Variants in TENM3 observed in about 807,000 individuals in gnomAD.
The protein encoded by TENM3 is teneurin transmembrane protein 3, also known as teneurin-3.
TENM3 carries 63 observed loss-of-function variants against 255.1 expected under a neutral mutation model. That is an observed-to-expected ratio of 0.25 (90% CI 0.20 to 0.30). The LOEUF (loss-of-function observed/expected upper bound fraction) is 0.30, where lower values mean the gene tolerates loss of function less well. Among genes scored for constraint, TENM3 ranks in the 10% least tolerant of loss-of-function variants. TENM3 has a pLI of 1.00. For synonymous variants in TENM3, 1,306 were observed against 1,322.3 expected (o/e 0.99, Z 0.27); for missense variants, 2,929 against 3,461.1 (o/e 0.85, Z 3.86).
chr4:181,715,920 G>C, the TENM3 span, among the ~76,000 whole-genome samples: 1 of 152,166 alleles, frequency 6.6e-6, no homozygotes, highest in East Asian at 1.9e-4. Context: ...GATGATGCCT[G>C]ACTCCACTGT....
chr4:182,426,826 T>A (rs954684117), intron 3 of TENM3, among the ~76,000 whole-genome samples: 1 of 152,182 alleles, frequency 6.6e-6, no homozygotes, highest in Admixed American at 6.5e-5. Flanking sequence ...AATTGTTGAA[T>A]TTATAGAATA....
intron 1 of TENM3, among the ~76,000 whole-genome samples, chr4:182,322,396 T>TG (rs1264963712): frequency 6.6e-6 from 1 of 152,160 alleles, no homozygotes; most frequent in African/African-American, 2.4e-5. Flanking sequence ...GGGTATAATT[T>TG]GGTTGAAGAC....
the TENM3 span, among the ~76,000 whole-genome samples, chr4:181,477,071 C>CATTCATTCATTA: frequency 1.5e-5 from 2 of 136,134 alleles, no homozygotes; most frequent in Non-Finnish European, 3.2e-5. Context: ...CCAATTCATT[C>CATTCATTCATTA]ATTCATTCAT....
At chr4:181,831,219 G>T in the TENM3 span, among the ~76,000 whole-genome samples, 4 of 151,932 alleles carry the variant, frequency 2.6e-5, no homozygotes, top group Non-Finnish European at 4.4e-5. Context: ...AAGATTTTAT[G>T]ATCAAATTTT....
chr4:182,035,819 A>C, the TENM3 span, among the ~76,000 whole-genome samples: 1 of 152,122 alleles, frequency 6.6e-6, no homozygotes, highest in Non-Finnish European at 1.5e-5. Context: ...AAAGGTTTCC[A>C]TTGTTCTCAG....
chr4:182,289,854 G>T (rs1169417363), intron 1 of TENM3, among the ~76,000 whole-genome samples: 1 of 152,106 alleles, frequency 6.6e-6, no homozygotes, highest in African/African-American at 2.4e-5. Flanking sequence ...TGACCAAGTT[G>T]CTTCAGTGTC....
intron 1 of TENM3, among the ~76,000 whole-genome samples, chr4:182,183,599 G>A (rs1182697645): frequency 6.6e-6 from 1 of 152,136 alleles, no homozygotes; most frequent in Non-Finnish European, 1.5e-5. Context: ...TCCAGCTGAA[G>A]TTTAACATAC....
chr4:181,687,973 G>A, the TENM3 span, among the ~76,000 whole-genome samples: 1 of 152,174 alleles, frequency 6.6e-6, no homozygotes, highest in Non-Finnish European at 1.5e-5. Flanking sequence ...AACATTTACT[G>A]AGTGTAAGTG....
the TENM3 span, among the ~76,000 whole-genome samples, chr4:181,881,893 C>T: frequency 6.6e-6 from 1 of 152,160 alleles, no homozygotes; most frequent in Non-Finnish European, 1.5e-5. Context: ...TTTTTAGTTT[C>T]AAACTTTTAA....
At chr4:182,381,514 G>T (rs1767564626) in intron 3 of TENM3, among the ~76,000 whole-genome samples, 1 of 151,930 alleles carries the variant, frequency 6.6e-6, no homozygotes, top group African/African-American at 2.4e-5. Flanking sequence ...TCCACAATGG[G>T]TTCTATAGCT....
chr4:182,001,670 C>T, the TENM3 span, among the ~76,000 whole-genome samples: 3 of 152,004 alleles, frequency 2.0e-5, no homozygotes, highest in Non-Finnish European at 4.4e-5. Context: ...ACTTGAGGAG[C>T]GACTTGTGCA....
At chr4:181,491,641 T>C in the TENM3 span, among the ~76,000 whole-genome samples, 1,364 of 152,216 alleles carry the variant, frequency 9.0e-3, 17 homozygotes, top group South Asian at 0.033. Flanking sequence ...GAAATAGTCA[T>C]GCCAATTAAT....
chr4:182,434,667 G>T, intron 3 of TENM3, among the ~76,000 whole-genome samples: 2 of 151,484 alleles, frequency 1.3e-5, no homozygotes, highest in Non-Finnish European at 1.5e-5. Context: ...ACCGTATATT[G>T]GTATACTTTA....
At chr4:181,803,511 G>C in the TENM3 span, among the ~76,000 whole-genome samples, 1 of 152,298 alleles carries the variant, frequency 6.6e-6, no homozygotes, top group African/African-American at 2.4e-5. Context: ...GAATTAAGGA[G>C]CTCAACATAC....
chr4:181,614,323 C>G, the TENM3 span, among the ~76,000 whole-genome samples: 1 of 152,118 alleles, frequency 6.6e-6, no homozygotes, highest in Non-Finnish European at 1.5e-5. Flanking sequence ...GTCTTCACAT[C>G]TCTCCCTTAA....
At chr4:182,378,035 G>C (rs1222238719) in intron 3 of TENM3, among the ~76,000 whole-genome samples, 1 of 152,162 alleles carries the variant, frequency 6.6e-6, no homozygotes, top group East Asian at 1.9e-4. Flanking sequence ...TGGAGGATAC[G>C]GAGGGAAGGC....
rs181601833 is a variant in TENM3 at position 182,799,272 on chromosome 4, G to T, written c.7345-324G>T. On this transcript the variant is annotated intron_variant, in intron 27 of 27. Coordinates refer to ENST00000511685, the MANE Select transcript of TENM3 (RefSeq NM_001080477.4). The surrounding 1 kb of genome is among the most constrained non-coding windows in gnomAD (Gnocchi z 4.2). Reference sequence around the variant, plus strand: ...GATCCGGATGAGCTGGGTTCCCCACGTGGGGTGGGAGTGGGAAAAGAGCAT... The same window carrying T: ...GATCCGGATGAGCTGGGTTCCCCACTTGGGGTGGGAGTGGGAAAAGAGCAT... Among the ~76,000 whole-genome samples the T allele has an allele frequency of 7.2e-5, 11 of 152,252 alleles. No homozygotes were observed. The highest frequency in any genetic ancestry group is 2.4e-4 in the African/African-American group (10 of 41,472).
chr4:182,144,548 CGGGG>C (rs1160795671), upstream of TENM3: 1 of 149,754 alleles, frequency 6.7e-6, no homozygotes, highest in African/African-American at 2.4e-5. Flanking sequence ...GCCGCGCGGC[CGGGG>C]GCGGGCAGGG....
the TENM3 span, among the ~76,000 whole-genome samples, chr4:181,814,286 A>T: frequency 6.6e-6 from 1 of 152,172 alleles, no homozygotes; most frequent in African/African-American, 2.4e-5. Context: ...TTATAAAAAG[A>T]TACAATATAT....
Sources: allele counts gnomAD v4.1 joint callset (sites outside exome capture counted in the v4.1 genomes callset), GRCh38; gene constraint gnomAD v4.1.1; non-coding constraint Gnocchi (gnomAD v3.1); transcripts MANE v1.5; gene names NCBI Gene and HGNC (gene_info 2026-07-23, HGNC 2026-07-21).